The following PCDHGC3 variants were observed in gnomAD, a reference collection of about 807,000 sequenced individuals.
The protein encoded by PCDHGC3 is protocadherin gamma subfamily C, 3.
In PCDHGC3, 26 loss-of-function variants were observed where a neutral mutation model predicts 59.2. The ratio of observed to expected loss-of-function variants is 0.44; its 90% CI spans 0.32 to 0.61. The LOEUF (loss-of-function observed/expected upper bound fraction) is 0.61. Ranked by LOEUF, PCDHGC3 falls within the 20% of genes least tolerant of loss-of-function variation. PCDHGC3 has a pLI of 0.05. For synonymous variants in PCDHGC3, 487 were observed against 519.7 expected, an observed-to-expected ratio of 0.94 and a Z score of 0.86; for missense variants, 1,080 against 1,221.8, an observed-to-expected ratio of 0.88 and a Z score of 1.73.
chr5:141,485,744 G>T lies in PCDHGC3; in HGVS notation c.2430+7198G>T. 1 of 1,614,226 alleles carries T rather than the reference G, an allele frequency of 6.2e-7. No individual in the cohort carries two copies. Among genetic ancestry groups the T allele is most frequent in the Non-Finnish European group, 8.5e-7 (1 of 1,180,038 alleles). On this transcript the variant is annotated intron_variant, in intron 1 of 3. Transcript: ENST00000308177. The surrounding 1 kb of genome is among the most constrained non-coding windows in gnomAD (Gnocchi z 5.7). ...GAAGAAGCGCAGCGACGGCAGCCTG[G>T]TCCCAGAGCTGCTCCTGGAGAAGCC...
chr5:141,496,342 G>A (rs1430202202), intron 2 of PCDHGC3, among the ~76,000 whole-genome samples: 1 of 152,208 alleles, frequency 6.6e-6, no homozygotes, highest in East Asian at 1.9e-4. Context: ...GAGCCTGGAG[G>A]AGTCTCAGAG....
chr5:141,498,009 C>A (rs1160103624), intron 2 of PCDHGC3, among the ~76,000 whole-genome samples: 1 of 152,146 alleles, frequency 6.6e-6, no homozygotes, highest in Non-Finnish European at 1.5e-5. Context: ...TTACAGTGCA[C>A]TGAAGGAGAC....
chr5:141,489,222 A>C lies in PCDHGC3; in HGVS notation c.2431-5585A>C. On this transcript the variant is annotated intron_variant, in intron 1 of 3. Coordinates refer to ENST00000308177, the MANE Select transcript of PCDHGC3 (RefSeq NM_002588.4). The surrounding 1 kb of genome is among the most constrained non-coding windows in gnomAD (Gnocchi z 4.5). ...ACAGGACAGCACAGACTTACTCTCC[A>C]CAAAGGGACTTCTGGGTCATGGGGC... 6.6e-7 allele frequency: 1 copy of C among 1,515,652 alleles called. No individual in the cohort carries two copies. Among genetic ancestry groups the C allele is most frequent in the Middle Eastern group, 1.8e-4 (1 of 5,598 alleles). 93.9% of individuals were successfully genotyped at this position (1,515,652 alleles called of 1,614,324 possible).
At chr5:141,498,231 A>T (rs1213697084) in intron 2 of PCDHGC3, among the ~76,000 whole-genome samples, 1 of 152,268 alleles carries the variant, frequency 6.6e-6, no homozygotes, top group East Asian at 1.9e-4. Flanking sequence ...ATGGTCAGGC[A>T]TACCAGCTTC....
In PCDHGC3 at chr5:141,494,850, G is replaced by C. The variant is rs2099757124; in HGVS notation, c.2474G>C (p.Arg825Thr). 1.2e-6 allele frequency: 2 copies of C among 1,614,124 alleles called. No individual in the cohort carries two copies. The highest frequency in any genetic ancestry group is 1.7e-6 in the Non-Finnish European group (2 of 1,180,018). Reference protein sequence around the residue: ...NTDWRFSQAQRPGTSGSQNGD... With the variant: ...NTDWRFSQAQTPGTSGSQNGD... ...GACTGGCGTTTCTCTCAGGCCCAGA[G>C]ACCCGGCACCAGCGGGTAGGTGACT... is the stretch of plus-strand genomic sequence containing the variant. The change falls in exon 2 of 4, where the codon AGA becomes ACA. Residue 825 changes from arginine to threonine, a missense_variant. Physicochemically the swap from Arg to Thr is moderately conservative, Grantham distance 71. Transcript: ENST00000308177.
rs747722740 is a variant in PCDHGC3, at chr5:141,485,835, C to G, written c.2430+7289C>G. 3 of 1,614,190 alleles carry G rather than the reference C, an allele frequency of 1.9e-6. No homozygotes were observed. In the South Asian group the frequency reaches 3.3e-5, roughly 18 times the overall value. On this transcript the variant is annotated intron_variant, in intron 1 of 3. Transcript: ENST00000308177. This position sits in a 1 kb window ranked among gnomAD's most constrained non-coding sequence, Gnocchi z 5.7. ...ACTGCTGTCGATGGAGGGAACCCGC[C>G]GAGATCTGGCACCGCAGAGCTCCGG...
chr5:141,511,062 C>T lies in PCDHGC3; in HGVS notation c.2694C>T (p.Tyr898=), dbSNP rs775583963. The change falls in exon 4 of 4, where the codon TAC becomes TAT. Residue 898 remains tyrosine, a synonymous_variant. Transcript: ENST00000308177. ...TGCCCGACTACCGCCAGAATGTCTACATCCCAGGCAGCAATGCCACACTGA... is the reference window on the plus strand; with the variant it reads ...TGCCCGACTACCGCCAGAATGTCTATATCCCAGGCAGCAATGCCACACTGA... ...QHVPDYRQNV[Y]IPGSNATLTN... The T allele has an allele frequency of 6.2e-7, 1 of 1,614,246 alleles. No homozygotes were observed. The highest frequency in any genetic ancestry group is 1.3e-5 in the African/African-American group (1 of 75,064).
chr5:141,490,485 G>A lies in PCDHGC3; in HGVS notation c.2431-4322G>A. 3 of 1,614,202 alleles carry A rather than the reference G, an allele frequency of 1.9e-6. No individual in the cohort carries two copies. Among genetic ancestry groups the A allele is most frequent in the Middle Eastern group, 3.3e-4 (2 of 6,062 alleles). On this transcript the variant is annotated intron_variant, in intron 1 of 3. Coordinates refer to ENST00000308177, the MANE Select transcript of PCDHGC3 (RefSeq NM_002588.4). This position sits in a 1 kb window ranked among gnomAD's most constrained non-coding sequence, Gnocchi z 5.4. ...TAACCAGCCAGCCTTTGGACCGGGA[G>A]GCCACATCCCACTATATCATCGAGC... is the stretch of plus-strand genomic sequence containing the variant.
At position 141,485,731 on chromosome 5, in the gene PCDHGC3, C is replaced by G; in HGVS notation, c.2430+7185C>G. 6.2e-7 allele frequency: 1 copy of G among 1,614,152 alleles called. No homozygotes were observed. Among genetic ancestry groups the G allele is most frequent in the Non-Finnish European group, 8.5e-7 (1 of 1,180,022 alleles). ...TTGCACTGGATGTGAAGAAGCGCAG[C>G]GACGGCAGCCTGGTCCCAGAGCTGC... On this transcript the variant is annotated intron_variant, in intron 1 of 3. Transcript: ENST00000308177. The surrounding 1 kb of genome is among the most constrained non-coding windows in gnomAD (Gnocchi z 5.7).
At chr5:141,483,122 A>G (rs1159736878) in intron 1 of PCDHGC3, among the ~76,000 whole-genome samples, 1 of 152,166 alleles carries the variant, frequency 6.6e-6, no homozygotes, top group Non-Finnish European at 1.5e-5. Context: ...CAGTCTTTGT[A>G]GGAGATGAGG....
rs1257933448 is a variant in PCDHGC3, at chr5:141,490,285, G to C, written c.2431-4522G>C. 3 of 1,614,106 alleles carry C rather than the reference G, an allele frequency of 1.9e-6. No homozygotes were observed. In the African/African-American group the frequency reaches 4.0e-5, roughly 22 times the overall value. On this transcript the variant is annotated intron_variant, in intron 1 of 3. Coordinates refer to ENST00000308177, the MANE Select transcript of PCDHGC3 (RefSeq NM_002588.4). This position sits in a 1 kb window ranked among gnomAD's most constrained non-coding sequence, Gnocchi z 5.4. ...GGGGGATGTCAATGACAATGCCCCAGAGGTGCTATTGGCCTCTTTGGCCAA... is the reference window on the plus strand; with the variant it reads ...GGGGGATGTCAATGACAATGCCCCACAGGTGCTATTGGCCTCTTTGGCCAA...
At position 141,489,876 on chromosome 5, in the gene PCDHGC3, T is replaced by C. The variant is rs2099693265; in HGVS notation, c.2431-4931T>C. ...CCCAGGCAAGACATCAGCTGGTGCT[T>C]ACTGCTGTGGATGGGGGGACCCCAG... On this transcript the variant is annotated intron_variant, in intron 1 of 3. Transcript: ENST00000308177. This position sits in a 1 kb window ranked among gnomAD's most constrained non-coding sequence, Gnocchi z 4.5. The C allele has an allele frequency of 6.2e-7, 1 of 1,614,098 alleles. No homozygotes were observed. The highest frequency in any genetic ancestry group is 1.1e-5 in the South Asian group (1 of 91,094).
chr5:141,496,772 T>C (rs994207358), intron 2 of PCDHGC3, among the ~76,000 whole-genome samples: 9 of 152,008 alleles, frequency 5.9e-5, no homozygotes, highest in African/African-American at 1.2e-4. Flanking sequence ...GCATCTACTA[T>C]GAGCAGGGCC....
At chr5:141,500,991 C>T (rs2099804636) in intron 2 of PCDHGC3, among the ~76,000 whole-genome samples, 1 of 152,024 alleles carries the variant, frequency 6.6e-6, no homozygotes, top group South Asian at 2.1e-4. Flanking sequence ...GCCTCAGCCT[C>T]CTGAGTAGCT....
chr5:141,480,021 C>G (rs1415230863), intron 1 of PCDHGC3, among the ~76,000 whole-genome samples: 1 of 152,208 alleles, frequency 6.6e-6, no homozygotes, highest in Non-Finnish European at 1.5e-5. Context: ...AATCTCCTTT[C>G]TAAGCCTCTT....
rs1011341002 is a variant in PCDHGC3, at chr5:141,476,141, G to T, written c.25G>T (p.Gly9Ter). 1 of 1,610,048 alleles carries T rather than the reference G, an allele frequency of 6.2e-7. No individual in the cohort carries two copies. The highest frequency in any genetic ancestry group is 2.2e-5 in the East Asian group (1 of 44,844). Residue 9 changes from glycine to a stop codon, truncating the protein, a stop_gained, in exon 1 of 4, where the codon GGA (glycine) becomes TGA (stop). Coordinates refer to ENST00000308177, the MANE Select transcript of PCDHGC3 (RefSeq NM_002588.4). LOFTEE classifies it high-confidence loss of function. The surrounding 1 kb of genome is among the most constrained non-coding windows in gnomAD (Gnocchi z 7.6). ...GATGGTCCCAGAGGCCTGGAGGAGC[G>T]GACTGGTAAGCACCGGGAGGGTAGT... MVPEAWRS[G>*]LVSTGRVVGV...
rs2099746867 is a variant in PCDHGC3, at chr5:141,493,199, C to T, written c.2431-1608C>T. Among the ~76,000 whole-genome samples the T allele has an allele frequency of 6.6e-6, 1 of 152,168 alleles. No individual in the cohort carries two copies. Among genetic ancestry groups the T allele is most frequent in the Non-Finnish European group, 1.5e-5 (1 of 68,020 alleles). ...CTTACTATATAACTCCTTTGAGAAC[C>T]TCATCTCATTTGCTCTTCCCACCAT... On this transcript the variant is annotated intron_variant, in intron 1 of 3. Coordinates refer to ENST00000308177, the MANE Select transcript of PCDHGC3 (RefSeq NM_002588.4). This position sits in a 1 kb window ranked among gnomAD's most constrained non-coding sequence, Gnocchi z 4.3.
Position 141,490,446 on chromosome 5 carries a change from C to T in PCDHGC3, c.2431-4361C>T, listed in dbSNP as rs779502898. 2.5e-6 allele frequency: 4 copies of T among 1,614,196 alleles called. No homozygotes were observed. The highest frequency in any genetic ancestry group is 3.4e-6 in the Non-Finnish European group (4 of 1,180,016). ...CATTTCAGATTAAGCCTTCTGAGAA[C>T]CACTACTCGCTGCTAACCAGCCAGC... On this transcript the variant is annotated intron_variant, in intron 1 of 3. Coordinates refer to ENST00000308177, the MANE Select transcript of PCDHGC3 (RefSeq NM_002588.4). The surrounding 1 kb of genome is among the most constrained non-coding windows in gnomAD (Gnocchi z 5.4).
chr5:141,489,297 G>T lies in PCDHGC3; in HGVS notation c.2431-5510G>T. On this transcript the variant is annotated intron_variant, in intron 1 of 3. Transcript: ENST00000308177. This position sits in a 1 kb window ranked among gnomAD's most constrained non-coding sequence, Gnocchi z 4.5. Reference sequence around the variant, plus strand: ...GGAAATGGCAAGTGCTGTGCATGTTGTCCTTGTGCTGCTGGGGCTGGGTGT... The same window carrying T: ...GGAAATGGCAAGTGCTGTGCATGTTTTCCTTGTGCTGCTGGGGCTGGGTGT... 1.9e-6 allele frequency: 3 copies of T among 1,583,774 alleles called. No homozygotes were observed. Among genetic ancestry groups the T allele is most frequent in the Non-Finnish European group, 8.6e-7 (1 of 1,164,904 alleles).
Sources: allele counts gnomAD v4.1 joint callset (sites outside exome capture counted in the v4.1 genomes callset), GRCh38; gene constraint gnomAD v4.1.1; non-coding constraint Gnocchi (gnomAD v3.1); transcripts MANE v1.5; gene names NCBI Gene and HGNC (gene_info 2026-07-23, HGNC 2026-07-21).